PITPNC1: variants seen among roughly 807,000 people sequenced by gnomAD.
The protein encoded by PITPNC1 is cytoplasmic phosphatidylinositol transfer protein 1.
In PITPNC1, 18 loss-of-function variants were observed where a neutral mutation model predicts 44.7. That is an observed-to-expected ratio of 0.40 (90% CI 0.28 to 0.60). The LOEUF (loss-of-function observed/expected upper bound fraction) is 0.60, where lower values mean the gene tolerates loss of function less well. PITPNC1 is among the 20% of genes least tolerant of loss of function. The pLI is 0.39. For synonymous variants in PITPNC1, 141 were observed against 149.6 expected (o/e 0.94, Z 0.42); for missense variants, 290 against 418.4 (o/e 0.69, Z 2.68).
intron 6 of PITPNC1, among the ~76,000 whole-genome samples, chr17:67,654,077 C>T (rs1313760533): frequency 6.6e-6 from 1 of 152,288 alleles, no homozygotes; most frequent in East Asian, 1.9e-4. Context: ...GGACAATCTG[C>T]TCTGCTCTCT....
chr17:67,487,356 G>A (rs940334407), intron 1 of PITPNC1, among the ~76,000 whole-genome samples: 1 of 151,936 alleles, frequency 6.6e-6, no homozygotes, highest in Non-Finnish European at 1.5e-5. Flanking sequence ...TGTATTTTTA[G>A]TAGAGGTGGG....
chr17:67,424,254 T>C (rs2143872931), intron 1 of PITPNC1, among the ~76,000 whole-genome samples: 1 of 152,172 alleles, frequency 6.6e-6, no homozygotes, highest in African/African-American at 2.4e-5. Context: ...GGACTTCTCT[T>C]CCAGCAAGAA....
At chr17:67,584,043 T>C (rs960536624) in intron 5 of PITPNC1, among the ~76,000 whole-genome samples, 2 of 151,944 alleles carry the variant, frequency 1.3e-5, no homozygotes, top group South Asian at 2.1e-4. Context: ...CCGGCCGGCA[T>C]TGGGATTTTT....
intron 5 of PITPNC1, among the ~76,000 whole-genome samples, chr17:67,614,934 G>A (rs2041738618): frequency 6.6e-6 from 1 of 151,838 alleles, no homozygotes; most frequent in Admixed American, 6.6e-5. Flanking sequence ...ATGAAGGCAA[G>A]AGTGGCGGGT....
intron 1 of PITPNC1, among the ~76,000 whole-genome samples, chr17:67,390,523 A>G (rs1375597513): frequency 6.6e-6 from 1 of 152,220 alleles, no homozygotes; most frequent in African/African-American, 2.4e-5. Flanking sequence ...CCCAGAATAC[A>G]CATTCAGGAG....
intron 5 of PITPNC1, among the ~76,000 whole-genome samples, chr17:67,583,280 T>C (rs1022926074): frequency 2.0e-5 from 3 of 152,070 alleles, no homozygotes; most frequent in African/African-American, 7.2e-5. Context: ...CAGTTCTCAA[T>C]CACAGCTGCC....
rs117729972 is a variant in PITPNC1 at position 67,445,364 on chromosome 17, T to C, written c.48+67162T>C. Among the ~76,000 whole-genome samples, 665 of 152,114 alleles carry C rather than the reference T, an allele frequency of 4.4e-3. 8 individuals are homozygous for C. Among genetic ancestry groups the C allele is most frequent in the East Asian group, 0.013 (68 of 5,178 alleles). On this transcript the variant is annotated intron_variant, in intron 1 of 8. Transcript: ENST00000581322. ...AAAGGGAGGAAGATCAGAGATACATTGAGGCTTCTTCCTCAATTCAGCATG... is the reference window on the plus strand; with the variant it reads ...AAAGGGAGGAAGATCAGAGATACATCGAGGCTTCTTCCTCAATTCAGCATG...
chr17:67,568,841 T>C (rs945352554), intron 4 of PITPNC1, among the ~76,000 whole-genome samples: 1 of 152,222 alleles, frequency 6.6e-6, no homozygotes, highest in Non-Finnish European at 1.5e-5. Context: ...GAGAATACTT[T>C]TATTTTTCTT....
intron 1 of PITPNC1, among the ~76,000 whole-genome samples, chr17:67,435,974 T>G (rs2038932345): frequency 6.6e-6 from 1 of 152,104 alleles, no homozygotes; most frequent in African/African-American, 2.4e-5. Flanking sequence ...GTGGTTTTTT[T>G]GTTTGTTCCT....
At chr17:67,391,181 G>C (rs1039165932) in intron 1 of PITPNC1, among the ~76,000 whole-genome samples, 1 of 151,524 alleles carries the variant, frequency 6.6e-6, no homozygotes, top group Non-Finnish European at 1.5e-5. Context: ...AATTCCTTTA[G>C]CATCATATCT....
At chr17:67,598,962 C>T (rs1460461000) in intron 5 of PITPNC1, among the ~76,000 whole-genome samples, 2 of 140,652 alleles carry the variant, frequency 1.4e-5, no homozygotes, top group Non-Finnish European at 3.1e-5. Context: ...AAATCTGCCT[C>T]GATCTTGGAC....
intron 1 of PITPNC1, among the ~76,000 whole-genome samples, chr17:67,393,925 C>T (rs139518889): frequency 2.7e-4 from 41 of 152,096 alleles, no homozygotes; most frequent in African/African-American, 9.4e-4. Context: ...ATAAGTTAAC[C>T]GTGTAACATT....
At chr17:67,378,383 A>C (rs2143769232) in intron 1 of PITPNC1, among the ~76,000 whole-genome samples, 181 bp downstream of exon 1, 1 of 151,904 alleles carries the variant, frequency 6.6e-6, no homozygotes, top group Non-Finnish European at 1.5e-5. Context: ...CCAGCGGGGG[A>C]GGGCGGCGCT....
chr17:67,560,906 G>C (rs2040898580), intron 4 of PITPNC1, among the ~76,000 whole-genome samples: 1 of 152,168 alleles, frequency 6.6e-6, no homozygotes, highest in African/African-American at 2.4e-5. Context: ...AGAGAATACA[G>C]AGTTGTTTAA....
intron 1 of PITPNC1, among the ~76,000 whole-genome samples, chr17:67,477,863 C>T (rs549197083): frequency 6.6e-6 from 1 of 152,254 alleles, no homozygotes; most frequent in African/African-American, 2.4e-5. Flanking sequence ...AAGTCTTGCT[C>T]ATGGCCAGCT....
At chr17:67,500,752 C>T (rs541413155) in intron 1 of PITPNC1, among the ~76,000 whole-genome samples, 142 of 151,734 alleles carry the variant, frequency 9.4e-4, no homozygotes, top group Non-Finnish European at 8.2e-4. Context: ...CCATGGCTCA[C>T]GGCTCACTGA....
At chr17:67,459,113 C>CTTTTTTTTTTTT (rs886333854) in intron 1 of PITPNC1, among the ~76,000 whole-genome samples, 1 of 95,732 alleles carries the variant, frequency 1.0e-5, no homozygotes, top group Non-Finnish European at 2.1e-5. Flanking sequence ...TTTTCTTTTT[C>CTTTTTTTTTTTT]TTTTTTTTTT....
intron 1 of PITPNC1, among the ~76,000 whole-genome samples, chr17:67,520,875 G>A (rs989535673): frequency 3.3e-5 from 5 of 152,124 alleles, no homozygotes; most frequent in African/African-American, 7.2e-5. Flanking sequence ...CACTGCCTTA[G>A]CCAGTGCTTA....
chr17:67,442,892 C>G (rs1409575852), intron 1 of PITPNC1, among the ~76,000 whole-genome samples: 2 of 152,008 alleles, frequency 1.3e-5, no homozygotes, highest in African/African-American at 4.8e-5. Context: ...TAATATTTAT[C>G]TGTATTGCTG....
Sources: gnomAD v4.1 joint callset for allele counts (sites outside exome capture counted in the v4.1 genomes callset) on GRCh38, gnomAD v4.1.1 for gene constraint, MANE v1.5 for transcripts, NCBI Gene and HGNC (gene_info 2026-07-23, HGNC 2026-07-21) for gene names.